Variants in IGFBP2 observed in about 807,000 individuals in gnomAD.
IGFBP2 encodes insulin-like growth factor-binding protein 2.
In IGFBP2, 12 loss-of-function variants were observed where a neutral mutation model predicts 26.2. The observed-to-expected ratio is 0.46, with a 90% CI of 0.29 to 0.74. The LOEUF (loss-of-function observed/expected upper bound fraction) is 0.74, where lower values mean the gene tolerates loss of function less well. IGFBP2 is among the 30% of genes least tolerant of loss of function. The pLI is 0.09. For synonymous variants in IGFBP2, 189 were observed against 200.6 expected (o/e 0.94, Z 0.49); for missense variants, 328 against 441.2 (o/e 0.74, Z 2.30).
intron 1 of IGFBP2, among the ~76,000 whole-genome samples, chr2:216,645,888 C>G (rs1316636175): frequency 2.0e-5 from 3 of 152,164 alleles, no homozygotes; most frequent in Non-Finnish European, 4.4e-5. Context: ...CCAACCATGT[C>G]CCATTTATGC....
At chr2:216,649,489 G>T (rs939660867) in intron 1 of IGFBP2, among the ~76,000 whole-genome samples, 3 of 152,172 alleles carry the variant, frequency 2.0e-5, no homozygotes, top group Non-Finnish European at 2.9e-5. Context: ...TTGAATCAAA[G>T]CACAGTCTAC....
rs1388735775 is a variant in IGFBP2, at chr2:216,664,319, GGGA to G, written c.*219_*221del. 2.4e-6 allele frequency: 1 copy of G among 422,730 alleles called. No individual in the cohort carries two copies. Among genetic ancestry groups the G allele is most frequent in the Non-Finnish European group, 4.2e-6 (1 of 239,618 alleles). The allele number at this position is 422,730 out of a possible 1,614,324, so 26.2% of individuals were successfully genotyped here. ...ACCTGCTCCTTCTTGCTTTCCCCGG[GGGA>G]GGAAGGGGGTTGTGGTCGGGGAGCT... On this transcript the variant is annotated 3_prime_UTR_variant, in exon 4 of 4. Transcript: ENST00000233809. The surrounding 1 kb of genome is among the most constrained non-coding windows in gnomAD (Gnocchi z 4.6).
At chr2:216,644,555 G>A (rs1192055129) in intron 1 of IGFBP2, among the ~76,000 whole-genome samples, 2 of 152,238 alleles carry the variant, frequency 1.3e-5, no homozygotes, top group Middle Eastern at 3.4e-3. Context: ...GTTGAGAAGA[G>A]GGGGGTGTTT....
At chr2:216,661,811 G>A in intron 2 of IGFBP2, 47 bp from the exon 3 acceptor site, 1 of 1,611,814 alleles carries the variant, frequency 6.2e-7, no homozygotes, top group Non-Finnish European at 8.5e-7. Flanking sequence ...GTGCTTCGTG[G>A]GCCTGCTGTC....
chr2:216,648,471 G>A (rs577645237), intron 1 of IGFBP2, among the ~76,000 whole-genome samples: 18 of 152,336 alleles, frequency 1.2e-4, no homozygotes, highest in South Asian at 2.1e-4. Flanking sequence ...GCCCTGGCCA[G>A]TGAGAGTGGT....
intron 1 of IGFBP2, among the ~76,000 whole-genome samples, chr2:216,650,442 A>C (rs1436198385): frequency 2.0e-5 from 3 of 152,212 alleles, no homozygotes; most frequent in Non-Finnish European, 2.9e-5. Flanking sequence ...TGGTGCTCCA[A>C]AGGAAATCCA....
At chr2:216,634,045 C>A in intron 1 of IGFBP2, 80 bp downstream of exon 1, 1 of 1,485,010 alleles carries the variant, frequency 6.7e-7, no homozygotes, top group South Asian at 1.3e-5. Flanking sequence ...ACCTTACGGA[C>A]GGTTTTAGGG....
rs966033816 is a variant in IGFBP2, at chr2:216,647,666, C to T, written c.443-12891C>T. Among the ~76,000 whole-genome samples, 10 of 152,004 alleles carry T rather than the reference C, an allele frequency of 6.6e-5. No individual in the cohort carries two copies. The East Asian group carries it at 9.7e-4, about 15-fold the overall frequency. Reference sequence around the variant, plus strand: ...TCCTGAGTAGCTGGGACTACAGGCGCCCACCACCACGCCTGGCTAATTTTT... The same window carrying T: ...TCCTGAGTAGCTGGGACTACAGGCGTCCACCACCACGCCTGGCTAATTTTT... On this transcript the variant is annotated intron_variant, in intron 1 of 3. Transcript: ENST00000233809.
At chr2:216,655,285 GTAATCCCCA>G (rs1175078050) in intron 1 of IGFBP2, among the ~76,000 whole-genome samples, 3 of 152,164 alleles carry the variant, frequency 2.0e-5, no homozygotes, top group Non-Finnish European at 4.4e-5. Context: ...ATCTTGAATT[GTAATCCCCA>G]TAATCCCCAG....
chr2:216,656,606 GCTGCCCAACATCTGGAGTACA>G (rs1054898248), intron 1 of IGFBP2, among the ~76,000 whole-genome samples: 8 of 152,230 alleles, frequency 5.3e-5, no homozygotes, highest in Non-Finnish European at 1.0e-4. Context: ...GGCCAGGAAT[GCTGCCCAACATCTGGAGTACA>G]CTGGATGTTC....
intron 2 of IGFBP2, chr2:216,661,044 A>G (rs1480999316): frequency 5.8e-6 from 3 of 513,440 alleles, no homozygotes; most frequent in South Asian, 4.7e-5. Context: ...GTTTTGGAAC[A>G]TAGACACAGA....
chr2:216,644,694 C>T (rs777955529), intron 1 of IGFBP2, among the ~76,000 whole-genome samples: 1 of 152,180 alleles, frequency 6.6e-6, no homozygotes, highest in African/African-American at 2.4e-5. Flanking sequence ...CTAGACATTG[C>T]CTGCTTCTAC....
chr2:216,647,339 A>T (rs1429360244), intron 1 of IGFBP2, among the ~76,000 whole-genome samples: 2 of 152,140 alleles, frequency 1.3e-5, no homozygotes, highest in Admixed American at 1.3e-4. Context: ...GGAAGCTAAG[A>T]CCAAGTTTAT....
intron 1 of IGFBP2, chr2:216,659,833 A>G: frequency 9.5e-7 from 1 of 1,057,876 alleles, no homozygotes; most frequent in Admixed American, 2.0e-5. Context: ...CTGCACAGAC[A>G]GACTTGGGAA....
At chr2:216,659,988 C>T (rs760771859) in intron 1 of IGFBP2, among the ~76,000 whole-genome samples, 3 of 152,126 alleles carry the variant, frequency 2.0e-5, no homozygotes, top group Non-Finnish European at 4.4e-5. Context: ...TCCACCTTCT[C>T]ACTCCTTTGC....
chr2:216,640,144 A>G (rs569019348), intron 1 of IGFBP2, among the ~76,000 whole-genome samples: 2 of 152,188 alleles, frequency 1.3e-5, no homozygotes, highest in African/African-American at 2.4e-5. Flanking sequence ...CTTGCTAGGT[A>G]GGTGGGTGGG....
chr2:216,653,743 C>T (rs1206138985), intron 1 of IGFBP2, among the ~76,000 whole-genome samples: 5 of 152,178 alleles, frequency 3.3e-5, no homozygotes, highest in Admixed American at 1.3e-4. Context: ...TTCAAGCCCC[C>T]GACTAATGGC....
At chr2:216,633,039 T>C (rs1336954593), upstream of IGFBP2, 1 of 152,216 alleles carries the variant, frequency 6.6e-6, no homozygotes, top group Non-Finnish European at 1.5e-5. Flanking sequence ...TTATGTCTTT[T>C]GTGTTCCCCA....
In IGFBP2 at chr2:216,661,940, A is replaced by C; in HGVS notation, c.755A>C (p.His252Pro). The C allele has an allele frequency of 6.2e-7, 1 of 1,614,138 alleles. No homozygotes were observed. Among genetic ancestry groups the C allele is most frequent in the Non-Finnish European group, 8.5e-7 (1 of 1,180,000 alleles). The change falls in exon 3 of 4, where the codon CAC (histidine) becomes CCC (proline). Residue 252 changes from histidine (H) to proline (P), a missense_variant. His to Pro is a moderately conservative substitution (Grantham distance 77). Transcript: ENST00000233809. ...CCGGATGAGCGGGGCCCTCTGGAGC[A>C]CCTCTACTCCCTGCACATCCCCAAC... ...RLPDERGPLEHLYSLHIPNCD... is the reference protein window; with the variant it reads ...RLPDERGPLEPLYSLHIPNCD...
Sources: gnomAD v4.1 joint callset for allele counts (sites outside exome capture counted in the v4.1 genomes callset) on GRCh38, gnomAD v4.1.1 for gene constraint, Gnocchi (gnomAD v3.1) non-coding constraint, MANE v1.5 for transcripts, NCBI Gene and HGNC (gene_info 2026-07-23, HGNC 2026-07-21) for gene names.